Variants in C1orf105 observed in about 807,000 individuals in gnomAD.
The protein encoded by C1orf105 is chromosome 1 open reading frame 105, also known as uncharacterized protein C1orf105.
In C1orf105, 17 loss-of-function variants were observed where a neutral mutation model predicts 20.8. That is an observed-to-expected ratio of 0.82 (90% CI 0.56 to 1.23). The LOEUF is 1.23. Among genes scored for constraint, C1orf105 ranks in the 50% most tolerant of loss-of-function variants. The probability of loss-of-function intolerance (pLI) is 0.00; values close to 1 mark genes in which losing one functional copy is unlikely to be tolerated. For synonymous variants in C1orf105, 72 were observed against 72.1 expected (o/e 1.00, Z 0.01); for missense variants, 219 against 213.5 (o/e 1.03, Z -0.16).
chr1:172,432,625 A>C (rs932121773), intron 1 of C1orf105, among the ~76,000 whole-genome samples: 3 of 152,240 alleles, frequency 2.0e-5, no homozygotes, highest in African/African-American at 7.2e-5. Flanking sequence ...CCAACATCAA[A>C]CACCAAAGGT....
rs541120328 is a variant in C1orf105 at position 172,431,151 on chromosome 1, A to G, written c.21+10245A>G. The stretch of plus-strand genomic sequence containing the variant: ...TCAAATGAAGAGTTGCACATCTCTC[A>G]TTTTAAATCAAAAGTAGAAATGATT... On this transcript the variant is annotated intron_variant, in intron 1 of 6. Transcript: ENST00000367727. 27 of 491,398 alleles carry G rather than the reference A, an allele frequency of 5.5e-5. No individual in the cohort carries two copies. In the East Asian group the frequency reaches 5.6e-4, roughly 10 times the overall value. The allele number at this position is 491,398 out of a possible 1,614,324, so 30.4% of individuals were successfully genotyped here.
intron 1 of C1orf105, chr1:172,444,072 C>A (rs1647682849): frequency 1.0e-6 from 1 of 998,256 alleles, no homozygotes. Flanking sequence ...GCGACTGTGG[C>A]CAAGCACTTC....
chr1:172,421,095 T>C (rs2071574042), intron 1 of C1orf105, among the ~76,000 whole-genome samples, 189 bp downstream of exon 1: 1 of 152,164 alleles, frequency 6.6e-6, no homozygotes, highest in South Asian at 2.1e-4. Context: ...TTTAATGGGT[T>C]TGGGGCATGA....
At chr1:172,442,738 G>A in intron 1 of C1orf105, 3 of 876,402 alleles carry the variant, frequency 3.4e-6, no homozygotes, top group Non-Finnish European at 3.7e-6. Flanking sequence ...ATGCTGTGTT[G>A]ATGTTCTACC....
intron 3 of C1orf105, among the ~76,000 whole-genome samples, chr1:172,452,104 C>T (rs1452100422): frequency 6.6e-6 from 1 of 152,022 alleles, no homozygotes; most frequent in Non-Finnish European, 1.5e-5. Flanking sequence ...AACTCCTGAC[C>T]TCATGATCCG....
At position 172,465,277 on chromosome 1, in the gene C1orf105, T is replaced by G. The variant is rs750492203; in HGVS notation, c.342-22T>G. ...AAGCCCTAGCCAATTGACTAATGTG[T>G]TTTCTTGTTTCTTCCAATCAGAATG... On this transcript the variant is annotated intron_variant, in intron 5 of 6. Coordinates refer to ENST00000367727, the MANE Select transcript of C1orf105 (RefSeq NM_139240.4). 8 of 1,581,138 alleles carry G rather than the reference T, an allele frequency of 5.1e-6. No individual in the cohort carries two copies. In the Admixed American group the frequency reaches 1.3e-4, roughly 27 times the overall value.
At chr1:172,458,732 A>G (rs1649488905) in intron 4 of C1orf105, among the ~76,000 whole-genome samples, 1 of 152,232 alleles carries the variant, frequency 6.6e-6, no homozygotes, top group Non-Finnish European at 1.5e-5. Flanking sequence ...GAGATCCAGG[A>G]TAGCCAAACA....
At chr1:172,446,420 A>G (rs1648007846) in intron 2 of C1orf105, among the ~76,000 whole-genome samples, 1 of 152,226 alleles carries the variant, frequency 6.6e-6, no homozygotes, top group Admixed American at 6.5e-5. Context: ...CAGGACTGCA[A>G]TGAATGGGAA....
intron 4 of C1orf105, among the ~76,000 whole-genome samples, chr1:172,456,823 C>A (rs899674183): frequency 1.3e-5 from 2 of 152,162 alleles, no homozygotes; most frequent in African/African-American, 4.8e-5. Flanking sequence ...GTAGCCCCCA[C>A]ACAACACATA....
chr1:172,445,705 G>C (rs1647917073), intron 2 of C1orf105, among the ~76,000 whole-genome samples: 1 of 152,156 alleles, frequency 6.6e-6, no homozygotes, highest in South Asian at 2.1e-4. Context: ...GGGTTACCGT[G>C]TCCCTTCTCC....
chr1:172,433,976 T>G (rs2071954796), intron 1 of C1orf105, among the ~76,000 whole-genome samples: 2 of 152,046 alleles, frequency 1.3e-5, no homozygotes, highest in African/African-American at 4.8e-5. Context: ...AAAACAGACT[T>G]TAAACCAACA....
At chr1:172,444,124 G>A in intron 1 of C1orf105, 1 of 990,870 alleles carries the variant, frequency 1.0e-6, no homozygotes. Flanking sequence ...CCCTTCCCCG[G>A]CTGGAACCAT....
At chr1:172,461,932 G>A (rs1434199432) in intron 4 of C1orf105, among the ~76,000 whole-genome samples, 1 of 152,124 alleles carries the variant, frequency 6.6e-6, no homozygotes, top group Non-Finnish European at 1.5e-5. Flanking sequence ...ATTGGGGGTG[G>A]GGGCATCTAA....
At chr1:172,441,928 G>A (rs761851321) in intron 1 of C1orf105, 1 of 1,614,202 alleles carries the variant, frequency 6.2e-7, no homozygotes, top group Non-Finnish European at 8.5e-7. Context: ...AAAAAGCAGT[G>A]TGACCCCCAC....
intron 3 of C1orf105, among the ~76,000 whole-genome samples, chr1:172,451,880 T>TC: frequency 7.0e-6 from 1 of 143,824 alleles, no homozygotes; most frequent in East Asian, 2.0e-4. Flanking sequence ...TTTTTTTTTT[T>TC]TTTTTTTTTG....
At chr1:172,426,961 A>G (rs2071739745) in intron 1 of C1orf105, among the ~76,000 whole-genome samples, 1 of 152,232 alleles carries the variant, frequency 6.6e-6, no homozygotes, top group South Asian at 2.1e-4. Context: ...CATGGTCTGG[A>G]AAGCACACAC....
intron 1 of C1orf105, among the ~76,000 whole-genome samples, chr1:172,429,261 C>T (rs1430440562): frequency 1.4e-5 from 2 of 144,558 alleles, no homozygotes; most frequent in African/African-American, 2.5e-5. Flanking sequence ...CACACAGACA[C>T]ACACACACAT....
intron 1 of C1orf105, chr1:172,443,323 A>G (rs1647548728): frequency 6.0e-6 from 1 of 167,054 alleles, no homozygotes; most frequent in South Asian, 2.1e-4. Context: ...TATAGGGATA[A>G]TATCCATAGT....
chr1:172,444,092 C>G (rs1647685276), intron 1 of C1orf105: 3 of 996,506 alleles, frequency 3.0e-6, no homozygotes, highest in Admixed American at 6.1e-5. Context: ...CCGGGTCCGC[C>G]GCAATCTCCT....
Sources: gnomAD v4.1 joint callset for allele counts (sites outside exome capture counted in the v4.1 genomes callset) on GRCh38, gnomAD v4.1.1 for gene constraint, MANE v1.5 for transcripts, NCBI Gene and HGNC (gene_info 2026-07-23, HGNC 2026-07-21) for gene names.